EDIL3: variants seen among roughly 807,000 people sequenced by gnomAD.
EDIL3 encodes EGF-like repeat and discoidin I-like domain-containing protein 3.
EDIL3 carries 37 observed loss-of-function variants against 67.4 expected under a neutral mutation model. That is an observed-to-expected ratio of 0.55 (90% confidence interval 0.42 to 0.72). The LOEUF is 0.72. Ranked by LOEUF, EDIL3 falls within the 30% of genes least tolerant of loss-of-function variation. The pLI, the probability that EDIL3 is intolerant of heterozygous loss-of-function variation, is 0.00. For synonymous variants in EDIL3, 195 were observed against 196.3 expected (o/e 0.99, Z 0.05); for missense variants, 527 against 586.3 (o/e 0.90, Z 1.04).
At chr5:84,194,888 T>C (rs1224777301) in intron 3 of EDIL3, among the ~76,000 whole-genome samples, 1 of 151,914 alleles carries the variant, frequency 6.6e-6, no homozygotes, top group Admixed American at 6.6e-5. Context: ...TTATTAGACA[T>C]TTTAGATCCC....
At chr5:84,268,429 A>C (rs1745394269) in intron 1 of EDIL3, among the ~76,000 whole-genome samples, 1 of 152,234 alleles carries the variant, frequency 6.6e-6, no homozygotes, top group African/African-American at 2.4e-5. Flanking sequence ...AAAATGGTTA[A>C]TCACTGAAAA....
chr5:84,384,111 C>G (rs144881172), intron 1 of EDIL3, among the ~76,000 whole-genome samples, 197 bp downstream of exon 1: 1 of 152,130 alleles, frequency 6.6e-6, no homozygotes, highest in African/African-American at 2.4e-5. Flanking sequence ...CCCTTCTCCC[C>G]GCTCGGCCCC....
chr5:84,211,859 A>C (rs1455553546), intron 3 of EDIL3, among the ~76,000 whole-genome samples: 2 of 152,238 alleles, frequency 1.3e-5, no homozygotes, highest in Non-Finnish European at 2.9e-5. Flanking sequence ...ATATAGCTGT[A>C]GACAGTCAAA....
intron 5 of EDIL3, among the ~76,000 whole-genome samples, chr5:84,133,340 G>C (rs1748026879): frequency 6.6e-6 from 1 of 151,500 alleles, no homozygotes; most frequent in African/African-American, 2.4e-5. Flanking sequence ...AAGGAATGAG[G>C]GTCTGCGCGC....
intron 3 of EDIL3, among the ~76,000 whole-genome samples, chr5:84,207,701 C>T (rs373769991): frequency 6.6e-6 from 1 of 151,246 alleles, no homozygotes; most frequent in Non-Finnish European, 1.5e-5. Flanking sequence ...AAACAGAGAT[C>T]TAGATCAATG....
chr5:84,217,721 A>AACACAC (rs61264723), intron 3 of EDIL3, among the ~76,000 whole-genome samples: 13,810 of 134,820 alleles, frequency 0.1, 851 homozygotes, highest in African/African-American at 0.16. Flanking sequence ...TATACACACA[A>AACACAC]ACACACACAC....
At chr5:84,172,664 G>A (rs540416284) in intron 4 of EDIL3, among the ~76,000 whole-genome samples, 25 of 152,124 alleles carry the variant, frequency 1.6e-4, no homozygotes, top group African/African-American at 5.3e-4. Context: ...TCTTTATTAG[G>A]GAATATTGGT....
chr5:84,346,389 G>T (rs1747240908), intron 1 of EDIL3, among the ~76,000 whole-genome samples: 1 of 152,040 alleles, frequency 6.6e-6, no homozygotes, highest in Admixed American at 6.6e-5. Context: ...AATGGGCTTG[G>T]CTGTGTCCCA....
chr5:84,104,334 T>C (rs1747419958), intron 6 of EDIL3, among the ~76,000 whole-genome samples: 1 of 150,754 alleles, frequency 6.6e-6, no homozygotes, highest in South Asian at 2.1e-4. Context: ...CCCCATGACA[T>C]GAAGTATACC....
intron 9 of EDIL3, among the ~76,000 whole-genome samples, chr5:84,020,494 T>C (rs1184312791): frequency 1.3e-5 from 2 of 152,110 alleles, no homozygotes; most frequent in East Asian, 3.8e-4. Context: ...AACACCTTTA[T>C]TGACTACTTA....
At chr5:84,329,181 T>G (rs1315954197) in intron 1 of EDIL3, among the ~76,000 whole-genome samples, 1 of 152,136 alleles carries the variant, frequency 6.6e-6, no homozygotes. Flanking sequence ...AAATGACTAC[T>G]ATTTTCATCT....
intron 1 of EDIL3, among the ~76,000 whole-genome samples, chr5:84,257,109 T>G (rs776193862): frequency 1.3e-4 from 20 of 152,324 alleles, no homozygotes; most frequent in Non-Finnish European, 2.8e-4. Context: ...ACAGTCCTGA[T>G]ATACCCAGGG....
At chr5:84,260,341 A>G (rs1745204128) in intron 1 of EDIL3, among the ~76,000 whole-genome samples, 1 of 152,198 alleles carries the variant, frequency 6.6e-6, no homozygotes, top group Non-Finnish European at 1.5e-5. Flanking sequence ...GGGAACAGGA[A>G]GTGGTCAGCC....
chr5:83,955,426 C>T lies in EDIL3; in HGVS notation c.1293+7779G>A, dbSNP rs541766952. The stretch of plus-strand genomic sequence containing the variant: ...CATATTTTTTCCTTTTTTGCAGAAA[C>T]GTGCTAACTAGAAAAACTATATTGT... On this transcript the variant is annotated intron_variant, in intron 10 of 10. Transcript: ENST00000296591. 6.0e-5 allele frequency among the ~76,000 whole-genome samples: 9 copies of T among 151,204 alleles called. No homozygotes were observed. The South Asian group carries it at 1.7e-3, about 28-fold the overall frequency.
chr5:84,159,833 G>A (rs1420193705), intron 4 of EDIL3, among the ~76,000 whole-genome samples: 1 of 151,988 alleles, frequency 6.6e-6, no homozygotes, highest in Non-Finnish European at 1.5e-5. Flanking sequence ...AATGGTGGAC[G>A]TAAACACATA....
At chr5:84,139,529 T>G (rs1748152506) in intron 4 of EDIL3, among the ~76,000 whole-genome samples, 1 of 152,168 alleles carries the variant, frequency 6.6e-6, no homozygotes, top group Non-Finnish European at 1.5e-5. Context: ...TACTTATTGT[T>G]GCCAACTCAA....
In EDIL3 at chr5:84,044,816, G is replaced by A. The variant is rs372300587; in HGVS notation, c.1137+15484C>T. Among the ~76,000 whole-genome samples, 34 of 152,232 alleles carry A rather than the reference G, an allele frequency of 2.2e-4. No homozygotes were observed. In the South Asian group the frequency reaches 6.4e-3, roughly 29 times the overall value. On this transcript the variant is annotated intron_variant, in intron 9 of 10. Coordinates refer to ENST00000296591, the MANE Select transcript of EDIL3 (RefSeq NM_005711.5). The stretch of plus-strand genomic sequence containing the variant: ...AGTGGCAGCAGTTGGCACCATAAGA[G>A]CCAGGGCAGTTCCTGAAACTTCAAC...
At chr5:83,980,277 T>C (rs1161110170) in intron 9 of EDIL3, among the ~76,000 whole-genome samples, 6 of 152,008 alleles carry the variant, frequency 3.9e-5, no homozygotes, top group African/African-American at 1.2e-4. Flanking sequence ...GCCCTTTGGC[T>C]GAAACAACCA....
At chr5:84,181,602 C>T (rs185140011) in intron 3 of EDIL3, among the ~76,000 whole-genome samples, 1 of 152,268 alleles carries the variant, frequency 6.6e-6, no homozygotes, top group East Asian at 1.9e-4. Flanking sequence ...TGCTCTCTCT[C>T]CCCTTTGTGC....
Sources: allele counts gnomAD v4.1 joint callset (sites outside exome capture counted in the v4.1 genomes callset), GRCh38; gene constraint gnomAD v4.1.1; transcripts MANE v1.5; gene names NCBI Gene and HGNC (gene_info 2026-07-23, HGNC 2026-07-21).